Variants in TAFA5 observed in about 807,000 individuals in gnomAD.
TAFA5 encodes the protein chemokine-like protein TAFA-5.
In TAFA5, 6 loss-of-function variants were observed where a neutral mutation model predicts 15.3. The ratio of observed to expected loss-of-function variants is 0.39; its 90% CI spans 0.21 to 0.77. The LOEUF is 0.77. TAFA5 is among the 30% of genes least tolerant of loss of function. The pLI is 0.41. For synonymous variants in TAFA5, 103 were observed against 80.7 expected (o/e 1.28, Z -1.48); for missense variants, 161 against 193.1 (o/e 0.83, Z 0.98).
chr22:48,697,648 G>C (rs9617501), intron 2 of TAFA5, among the ~76,000 whole-genome samples: 105,598 of 151,212 alleles, frequency 0.7, 37,282 homozygotes, highest in African/African-American at 0.79. Context: ...TGTTGGTGAT[G>C]ATGGTAATGG....
chr22:48,714,072 G>A (rs932522401), intron 3 of TAFA5, among the ~76,000 whole-genome samples: 9 of 152,220 alleles, frequency 5.9e-5, no homozygotes, highest in East Asian at 5.8e-4. Context: ...CCAGGCCCTC[G>A]CCCAGGGCGG....
chr22:48,750,845 A>G lies in TAFA5; in HGVS notation c.*998A>G, dbSNP rs1930468007. ...TAAAGTTATATATTTAACAGTTTTT[A>G]TATGTTGTATATTTGTAGAAAATCC... is the stretch of plus-strand genomic sequence containing the variant. On this transcript the variant is annotated 3_prime_UTR_variant, in exon 4 of 4. Transcript: ENST00000402357. The G allele has an allele frequency of 6.6e-6, 1 of 152,580 alleles. No individual in the cohort carries two copies. The highest frequency in any genetic ancestry group is 1.5e-5 in the Non-Finnish European group (1 of 68,038). The allele number at this position is 152,580 out of a possible 1,614,324, so 9.5% of individuals were successfully genotyped here. A position where few individuals can be genotyped will look rare whatever the true frequency, so the allele number is the denominator to read the frequency against.
chr22:48,613,696 GCCTTT>G (rs1173660288), intron 1 of TAFA5, among the ~76,000 whole-genome samples: 1 of 152,228 alleles, frequency 6.6e-6, no homozygotes, highest in East Asian at 1.9e-4. Context: ...ACCTGCTCTG[GCCTTT>G]CCCCGGCTGC....
At chr22:48,704,193 C>G (rs2147248580) in intron 2 of TAFA5, among the ~76,000 whole-genome samples, 1 of 130,604 alleles carries the variant, frequency 7.7e-6, no homozygotes, top group Middle Eastern at 3.7e-3. Context: ...ACCCTCAACA[C>G]ACACGCGCAC....
intron 2 of TAFA5, among the ~76,000 whole-genome samples, chr22:48,682,652 AC>A: frequency 6.6e-6 from 1 of 152,316 alleles, no homozygotes; most frequent in African/African-American, 2.4e-5. Flanking sequence ...TTTGCATATT[AC>A]CCAGAAGCAC....
At chr22:48,622,295 G>C (rs941986313) in intron 1 of TAFA5, among the ~76,000 whole-genome samples, 4 of 152,192 alleles carry the variant, frequency 2.6e-5, no homozygotes, top group African/African-American at 7.2e-5. Flanking sequence ...ACAGGGAGTG[G>C]CTGTTTCACA....
chr22:48,749,742 G>GCC, intron 3 of TAFA5, 97 bp from the exon 4 acceptor site: 1 of 1,426,072 alleles, frequency 7.0e-7, no homozygotes, highest in Non-Finnish European at 9.7e-7. Flanking sequence ...CAGGAGGCCG[G>GCC]CTGGCAGGAG....
At chr22:48,674,907 G>A (rs4925403) in intron 2 of TAFA5, among the ~76,000 whole-genome samples, 16,355 of 151,764 alleles carry the variant, frequency 0.11, 882 homozygotes, top group Non-Finnish European at 0.12. Context: ...TAGAGACTGC[G>A]TAGCCACAGA....
chr22:48,601,980 A>C (rs1330071495), intron 1 of TAFA5, among the ~76,000 whole-genome samples: 3 of 152,076 alleles, frequency 2.0e-5, no homozygotes, highest in Non-Finnish European at 2.9e-5. Flanking sequence ...TGCCAGTGTG[A>C]GCGGCATGCA....
chr22:48,544,551 C>T lies in TAFA5; in HGVS notation c.112+54847C>T, dbSNP rs1268703712. The stretch of plus-strand genomic sequence containing the variant: ...GAGCTGCAGCACCAGGAGGGTGCAA[C>T]GGCGCTAACTGCATCAGCACATGCC... On this transcript the variant is annotated intron_variant, in intron 1 of 3. Transcript: ENST00000402357. 2.8e-5 allele frequency: 11 copies of T among 391,430 alleles called. No homozygotes were observed. The East Asian group carries it at 2.9e-4, about 10-fold the overall frequency. The allele number at this position is 391,430 out of a possible 1,614,324, so 24.2% of individuals were successfully genotyped here.
At chr22:48,645,094 A>G (rs919868982) in intron 1 of TAFA5, among the ~76,000 whole-genome samples, 1 of 152,246 alleles carries the variant, frequency 6.6e-6, no homozygotes, top group African/African-American at 2.4e-5. Context: ...ACCTACTCAG[A>G]TGAAGGAGTG....
intron 2 of TAFA5, among the ~76,000 whole-genome samples, chr22:48,685,845 C>T (rs1399894341): frequency 6.6e-6 from 1 of 152,156 alleles, no homozygotes. Flanking sequence ...GGTCATCCTT[C>T]CTTGTGGTTC....
At chr22:48,507,127 C>T (rs1921020431) in intron 1 of TAFA5, among the ~76,000 whole-genome samples, 1 of 151,380 alleles carries the variant, frequency 6.6e-6, no homozygotes, top group Admixed American at 6.6e-5. Context: ...CGCCAAGGGC[C>T]AGGTGTGCAG....
In TAFA5 at chr22:48,489,680, G is replaced by A. The variant is rs2147089070; in HGVS notation, c.88G>A (p.Ala30Thr). 6.6e-7 allele frequency: 1 copy of A among 1,521,612 alleles called. No homozygotes were observed. The highest frequency in any genetic ancestry group is 8.8e-7 in the Non-Finnish European group (1 of 1,133,932). The allele number at this position is 1,521,612 out of a possible 1,614,324, so 94.3% of individuals were successfully genotyped here. The part of the protein sequence containing the change: ...SSTFWAFMIL[A>T]SLLIAYCSQL... ...AACTTTCTGGGCGTTCATGATCCTG[G>A]CCAGCCTGCTCATCGCCTACTGCAG... is the stretch of plus-strand genomic sequence containing the variant. Residue 30 changes from alanine to threonine, a missense_variant, in exon 1 of 4, where the codon GCC (alanine) becomes ACC (threonine). Ala to Thr is a moderately conservative substitution (Grantham distance 58). Transcript: ENST00000402357. This position sits in a 1 kb window ranked among gnomAD's most constrained non-coding sequence, Gnocchi z 5.5.
At chr22:48,593,508 G>C (rs574423826) in intron 1 of TAFA5, among the ~76,000 whole-genome samples, 1 of 152,278 alleles carries the variant, frequency 6.6e-6, no homozygotes, top group African/African-American at 2.4e-5. Flanking sequence ...GACTGATGGG[G>C]GTGGCTGGGG....
At chr22:48,725,085 A>G (rs1002097647) in intron 3 of TAFA5, among the ~76,000 whole-genome samples, 1 of 152,278 alleles carries the variant, frequency 6.6e-6, no homozygotes, top group Non-Finnish European at 1.5e-5. Flanking sequence ...AGCAGAGCCC[A>G]GCCCTGAGGA....
intron 1 of TAFA5, among the ~76,000 whole-genome samples, chr22:48,610,246 A>AG (rs1478012759): frequency 6.6e-6 from 1 of 151,950 alleles, no homozygotes; most frequent in Non-Finnish European, 1.5e-5. Flanking sequence ...ACTGGAGGAC[A>AG]GGCCGGAGGC....
intron 1 of TAFA5, among the ~76,000 whole-genome samples, chr22:48,506,778 G>T (rs1457263096): frequency 2.0e-5 from 3 of 152,324 alleles, no homozygotes; most frequent in Admixed American, 6.5e-5. Flanking sequence ...GGCAGGCGGG[G>T]GTCCCCAACC....
At chr22:48,517,904 G>A (rs1339107701) in intron 1 of TAFA5, among the ~76,000 whole-genome samples, 3 of 152,350 alleles carry the variant, frequency 2.0e-5, no homozygotes, top group East Asian at 3.9e-4. Context: ...CCAGCCCAGT[G>A]GCGCTCACAT....
Sources: gnomAD v4.1 joint callset for allele counts (sites outside exome capture counted in the v4.1 genomes callset) on GRCh38, gnomAD v4.1.1 for gene constraint, Gnocchi (gnomAD v3.1) non-coding constraint, MANE v1.5 for transcripts, NCBI Gene and HGNC (gene_info 2026-07-23, HGNC 2026-07-21) for gene names.